Variants in MAST1 observed in about 807,000 individuals in gnomAD.
MAST1 encodes the protein microtubule-associated serine/threonine-protein kinase 1.
In MAST1, 40 loss-of-function variants were observed where a neutral mutation model predicts 124.6. The observed-to-expected ratio is 0.32, with a 90% CI of 0.25 to 0.42. The LOEUF is 0.42. Among genes scored for constraint, MAST1 ranks in the 10% least tolerant of loss-of-function variants. The pLI is 1.00. For synonymous variants in MAST1, 938 were observed against 939.4 expected, an observed-to-expected ratio of 1.00 and a Z score of 0.03; for missense variants, 1,558 against 2,181.9, an observed-to-expected ratio of 0.71 and a Z score of 5.70.
chr19:12,861,999 CTT>C (rs55931366), intron 12 of MAST1, among the ~76,000 whole-genome samples: 26,846 of 122,402 alleles, frequency 0.22, 2,713 homozygotes, highest in East Asian at 0.54. Context: ...CCGTGCCTGC[CTT>C]TTTTTTTTTT....
Position 12,870,373 on chromosome 19 carries a change from C to T in MAST1, c.3004-451C>T, listed in dbSNP as rs535872563. Among the ~76,000 whole-genome samples the T allele has an allele frequency of 1.4e-4, 21 of 151,028 alleles. 1 individual carries two copies. In the South Asian group the frequency reaches 4.2e-3, roughly 30 times the overall value. Reference sequence around the variant, plus strand: ...AGGCGTGGTGGCAGATGCCTGTAATCCCAGCTACTCAGGAGGCTGAGACAG... The same window carrying T: ...AGGCGTGGTGGCAGATGCCTGTAATTCCAGCTACTCAGGAGGCTGAGACAG... On this transcript the variant is annotated intron_variant, in intron 22 of 25. Transcript: ENST00000251472.
chr19:12,868,982 C>G (rs1649437474), intron 21 of MAST1, 84 bp from the exon 22 acceptor site: 1 of 1,542,906 alleles, frequency 6.5e-7, no homozygotes, highest in Admixed American at 1.7e-5. Context: ...TGCTCTGCCA[C>G]TGCCTTGGGA....
intron 4 of MAST1, among the ~76,000 whole-genome samples, chr19:12,846,718 A>G (rs1267743327): frequency 6.6e-6 from 1 of 152,022 alleles, no homozygotes; most frequent in Non-Finnish European, 1.5e-5. Context: ...CTCTACTAAA[A>G]ATACAAAAAA....
intron 10 of MAST1, among the ~76,000 whole-genome samples, chr19:12,853,120 A>G (rs1969982346): frequency 6.6e-6 from 1 of 150,736 alleles, no homozygotes; most frequent in South Asian, 2.1e-4. Flanking sequence ...ACAGGCATGT[A>G]ACACCACACC....
intron 12 of MAST1, among the ~76,000 whole-genome samples, chr19:12,861,076 A>G (rs1970076074): frequency 6.6e-6 from 1 of 151,842 alleles, no homozygotes; most frequent in African/African-American, 2.4e-5. Flanking sequence ...TTATTTATTT[A>G]TTTATTTATG....
chr19:12,841,190 C>A lies in MAST1; in HGVS notation c.248+124C>A. The A allele has an allele frequency of 1.6e-6, 1 of 621,250 alleles. No homozygotes were observed. The highest frequency in any genetic ancestry group is 1.9e-5 in the South Asian group (1 of 52,534). The allele number at this position is 621,250 out of a possible 1,614,324, so 38.5% of individuals were successfully genotyped here. A position where few individuals can be genotyped will look rare whatever the true frequency, so the allele number is the denominator to read the frequency against. On this transcript the variant is annotated intron_variant, in intron 3 of 25. Transcript: ENST00000251472. The surrounding 1 kb of genome is among the most constrained non-coding windows in gnomAD (Gnocchi z 4.3). ...GGGCCTGAGGGGACCAGCGAGTGCCCCAAGGTCTCAGCGGGAAGGAGCGCC... is the reference window on the plus strand; with the variant it reads ...GGGCCTGAGGGGACCAGCGAGTGCCACAAGGTCTCAGCGGGAAGGAGCGCC...
At chr19:12,873,167 G>A in intron 24 of MAST1, 157 bp from the exon 25 acceptor site, 1 of 683,576 alleles carries the variant, frequency 1.5e-6, no homozygotes, top group Non-Finnish European at 2.5e-6. Flanking sequence ...AAGCAGCACT[G>A]AGCTAAAGGA....
At chr19:12,851,831 A>T in intron 7 of MAST1, 103 bp from the exon 8 acceptor site, 1 of 841,202 alleles carries the variant, frequency 1.2e-6, no homozygotes. Context: ...CCTCACCTGT[A>T]AGATGGGACA....
chr19:12,839,323 CA>C (rs1258784819), intron 1 of MAST1, among the ~76,000 whole-genome samples: 1 of 152,158 alleles, frequency 6.6e-6, no homozygotes, highest in Non-Finnish European at 1.5e-5. Flanking sequence ...CACAGACACA[CA>C]GGGGCACCAC....
Position 12,866,916 on chromosome 19 carries a change from G to T in MAST1, c.2139+154G>T, listed in dbSNP as rs1970161896. ...GGAAGGTGGTAAGGCCACGCAAGAGGCAGGTTCGGGAGTCTATGGGACGGG... is the reference window on the plus strand; with the variant it reads ...GGAAGGTGGTAAGGCCACGCAAGAGTCAGGTTCGGGAGTCTATGGGACGGG... On this transcript the variant is annotated intron_variant, in intron 18 of 25. Coordinates refer to ENST00000251472, the MANE Select transcript of MAST1 (RefSeq NM_014975.3). This position sits in a 1 kb window ranked among gnomAD's most constrained non-coding sequence, Gnocchi z 5.2. Among the ~76,000 whole-genome samples the T allele has an allele frequency of 1.3e-5, 2 of 151,910 alleles. No homozygotes were observed. The highest frequency in any genetic ancestry group is 2.9e-5 in the Non-Finnish European group (2 of 67,982).
intron 11 of MAST1, 28 bp from the exon 12 acceptor site, chr19:12,858,503 G>A (rs921844794): frequency 8.7e-6 from 14 of 1,612,076 alleles, no homozygotes; most frequent in African/African-American, 2.7e-5. Context: ...CGGAGGTGAC[G>A]GCCGGTCCTC....
At chr19:12,862,624 G>A (rs1026616085) in intron 12 of MAST1, among the ~76,000 whole-genome samples, 17 of 151,710 alleles carry the variant, frequency 1.1e-4, no homozygotes, top group Non-Finnish European at 4.4e-5. Flanking sequence ...TACCCAGCAT[G>A]GTGAAACCCT....
chr19:12,845,024 G>A (rs1177511442), intron 4 of MAST1, among the ~76,000 whole-genome samples: 2 of 152,100 alleles, frequency 1.3e-5, no homozygotes, highest in Non-Finnish European at 1.5e-5. Flanking sequence ...CATTCTGGCC[G>A]GGCGCGGTGG....
chr19:12,840,133 C>G (rs1969807639), intron 1 of MAST1, among the ~76,000 whole-genome samples: 1 of 152,192 alleles, frequency 6.6e-6, no homozygotes, highest in South Asian at 2.1e-4. Flanking sequence ...GTGAATGTCA[C>G]GCATAGACTG....
At chr19:12,868,103 A>ATTTTTTTTCTTTTTTTT (rs1970181986) in intron 20 of MAST1, 126 bp downstream of exon 20, 1 of 291,088 alleles carries the variant, frequency 3.4e-6, no homozygotes, top group Admixed American at 9.1e-5. Flanking sequence ...GCAATTTGGG[A>ATTTTTTTTCTTTTTTTT]TTTTTTTTTT....
chr19:12,852,266 A>AG lies in MAST1; in HGVS notation c.1009+24dup, dbSNP rs760780003. Reference sequence around the variant, plus strand: ...TTTCCAGGTGCCGGCTGGTGGGCGCAGGGGGACTGGGGGTGAGCAGGCCCA... The same window carrying AG: ...TTTCCAGGTGCCGGCTGGTGGGCGCAGGGGGGACTGGGGGTGAGCAGGCCCA... On this transcript the variant is annotated intron_variant, in intron 9 of 25. Coordinates refer to ENST00000251472, the MANE Select transcript of MAST1 (RefSeq NM_014975.3). 6.2e-7 allele frequency: 1 copy of AG among 1,613,998 alleles called. No homozygotes were observed. The highest frequency in any genetic ancestry group is 8.5e-7 in the Non-Finnish European group (1 of 1,179,992).
chr19:12,858,663 G>A lies in MAST1; in HGVS notation c.1290G>A (p.Glu430=). 1 of 1,614,258 alleles carries A rather than the reference G, an allele frequency of 6.2e-7. No homozygotes were observed. Among genetic ancestry groups the A allele is most frequent in the Non-Finnish European group, 8.5e-7 (1 of 1,180,048 alleles). ...AGCGCGATATCCTCACCTTCGCCGA[G>A]AACCCGTTTGTGGTCGGCATGTTCT... ...FVERDILTFA[E]NPFVVGMFCS... The change falls in exon 12 of 26, where the codon GAG becomes GAA. Residue 430 remains glutamate, a synonymous_variant. Transcript: ENST00000251472.
At chr19:12,861,563 G>T (rs1308369044) in intron 12 of MAST1, among the ~76,000 whole-genome samples, 2 of 152,312 alleles carry the variant, frequency 1.3e-5, no homozygotes, top group African/African-American at 4.8e-5. Context: ...GAGGGGAGAT[G>T]AGGATGAAGG....
At position 12,866,857 on chromosome 19, in the gene MAST1, C is replaced by T; in HGVS notation, c.2139+95C>T. 9.4e-7 allele frequency: 1 copy of T among 1,059,868 alleles called. No individual in the cohort carries two copies. The highest frequency in any genetic ancestry group is 1.4e-6 in the Non-Finnish European group (1 of 709,836). 65.7% of individuals were successfully genotyped at this position (1,059,868 alleles called of 1,614,324 possible). A position where few individuals can be genotyped will look rare whatever the true frequency, so the allele number is the denominator to read the frequency against. On this transcript the variant is annotated intron_variant, in intron 18 of 25. Coordinates refer to ENST00000251472, the MANE Select transcript of MAST1 (RefSeq NM_014975.3). This position sits in a 1 kb window ranked among gnomAD's most constrained non-coding sequence, Gnocchi z 5.2. Reference sequence around the variant, plus strand: ...ACAGGTTCCCTGGTGCCCAAGGTCTCAGGAGCGGGAAGTTATTGATGGGGC... The same window carrying T: ...ACAGGTTCCCTGGTGCCCAAGGTCTTAGGAGCGGGAAGTTATTGATGGGGC...
Sources: gnomAD v4.1 joint callset for allele counts (sites outside exome capture counted in the v4.1 genomes callset) on GRCh38, gnomAD v4.1.1 for gene constraint, Gnocchi (gnomAD v3.1) non-coding constraint, MANE v1.5 for transcripts, NCBI Gene and HGNC (gene_info 2026-07-23, HGNC 2026-07-21) for gene names.